Variants in CALN1 observed in about 807,000 individuals in gnomAD.
The protein encoded by CALN1 is calcium-binding protein 8.
Under a neutral mutation model 30.6 loss-of-function variants are expected in CALN1, and 17 were observed. That is an observed-to-expected ratio of 0.56 (90% CI 0.38 to 0.83). The LOEUF is 0.83. Among genes scored for constraint, CALN1 ranks in the 40% least tolerant of loss-of-function variants. The pLI, the probability that CALN1 is intolerant of heterozygous loss-of-function variation, is 0.00. For synonymous variants in CALN1, 156 were observed against 131.4 expected (o/e 1.19, Z -1.28); for missense variants, 291 against 354.9 (o/e 0.82, Z 1.45).
the CALN1 span, among the ~76,000 whole-genome samples, chr7:72,453,993 A>AATAT: frequency 0.018 from 2,730 of 148,198 alleles, 38 homozygotes; most frequent in Middle Eastern, 0.035. Context: ...ACAACCAAAA[A>AATAT]ATATATATAT....
Position 72,080,464 on chromosome 7 carries a change from T to C in CALN1, c.388+25687A>G, listed in dbSNP as rs562478722. ...GAGGGAGGGATTTTGTTTGTTTCAT[T>C]TGTGGATCTATGCCAAGTGCCTGGG... On this transcript the variant is annotated intron_variant, in intron 4 of 6. Transcript: ENST00000395275. Among the ~76,000 whole-genome samples, 22 of 152,316 alleles carry C rather than the reference T, an allele frequency of 1.4e-4. No individual in the cohort carries two copies. In the South Asian group the frequency reaches 2.1e-3, roughly 14 times the overall value.
chr7:72,161,111 G>A (rs950985679), intron 3 of CALN1, among the ~76,000 whole-genome samples: 1 of 152,166 alleles, frequency 6.6e-6, no homozygotes, highest in African/African-American at 2.4e-5. Flanking sequence ...ACCATGGCAG[G>A]AGCTTCAACA....
intron 3 of CALN1, among the ~76,000 whole-genome samples, chr7:72,227,427 C>G (rs1793765118): frequency 6.6e-6 from 1 of 151,644 alleles, no homozygotes; most frequent in Non-Finnish European, 1.5e-5. Flanking sequence ...GTAATCCCAG[C>G]TACTTGGGAG....
intron 5 of CALN1, among the ~76,000 whole-genome samples, chr7:71,941,318 TCCAG>T (rs1796118454): frequency 6.8e-6 from 1 of 147,418 alleles, no homozygotes; most frequent in African/African-American, 2.5e-5. Context: ...ACCACTCCAC[TCCAG>T]CCTGGGCGAC....
At chr7:72,175,548 T>C (rs1470011158) in intron 3 of CALN1, among the ~76,000 whole-genome samples, 5 of 152,066 alleles carry the variant, frequency 3.3e-5, no homozygotes, top group African/African-American at 9.7e-5. Flanking sequence ...CTGGTGGCAT[T>C]TGGAGATGGC....
At chr7:72,312,302 G>A (rs28531896) in intron 2 of CALN1, among the ~76,000 whole-genome samples, 27,244 of 151,438 alleles carry the variant, frequency 0.18, 3,352 homozygotes, top group East Asian at 0.41. Flanking sequence ...TACTCGGGAG[G>A]CTGAGGCAGG....
chr7:72,208,003 T>C (rs1433227263), intron 3 of CALN1, among the ~76,000 whole-genome samples: 1 of 152,210 alleles, frequency 6.6e-6, no homozygotes, highest in Non-Finnish European at 1.5e-5. Flanking sequence ...CTTATCAATG[T>C]ATTGTTAAAC....
chr7:72,367,662 T>C (rs1005206777), intron 2 of CALN1, among the ~76,000 whole-genome samples: 3 of 151,968 alleles, frequency 2.0e-5, no homozygotes, highest in African/African-American at 7.3e-5. Flanking sequence ...GCCAGGTCTC[T>C]ACAAATAAAA....
intron 5 of CALN1, among the ~76,000 whole-genome samples, chr7:72,010,767 C>T (rs1298461747): frequency 3.4e-5 from 5 of 147,380 alleles, no homozygotes; most frequent in South Asian, 2.1e-4. Flanking sequence ...GAGCCAAGAT[C>T]GCGTCACTGC....
chr7:72,492,920 C>T, the CALN1 span, among the ~76,000 whole-genome samples: 1 of 152,158 alleles, frequency 6.6e-6, no homozygotes, highest in Non-Finnish European at 1.5e-5. Context: ...TTTGCAGAGA[C>T]TAAATCACAA....
intron 4 of CALN1, among the ~76,000 whole-genome samples, chr7:72,058,273 C>T (rs1184454370): frequency 2.8e-5 from 4 of 143,542 alleles, no homozygotes; most frequent in Non-Finnish European, 6.1e-5. Flanking sequence ...CTCTTAGTGG[C>T]TGCTGGGGGT....
At chr7:72,097,647 CAAAA>C (rs10711051) in intron 4 of CALN1, among the ~76,000 whole-genome samples, 1 of 130,270 alleles carries the variant, frequency 7.7e-6, no homozygotes, top group Admixed American at 7.6e-5. Context: ...TATGTCTACC[CAAAA>C]AAAAAAAAAA....
chr7:72,245,120 A>G (rs1795074127), intron 3 of CALN1, among the ~76,000 whole-genome samples: 1 of 152,222 alleles, frequency 6.6e-6, no homozygotes, highest in Admixed American at 6.5e-5. Context: ...TGACGTAGAC[A>G]GAACAATCCC....
chr7:72,016,998 CAAAAA>C (rs754201004), intron 5 of CALN1, among the ~76,000 whole-genome samples: 5 of 31,966 alleles, frequency 1.6e-4, no homozygotes, highest in African/African-American at 7.6e-4. Context: ...ACTAAAAATA[CAAAAA>C]AAAAAAAAAA....
chr7:71,908,932 C>T lies in CALN1; in HGVS notation c.502-98440G>A, dbSNP rs17144108. On this transcript the variant is annotated intron_variant, in intron 5 of 6. Coordinates refer to ENST00000395275, the MANE Select transcript of CALN1 (RefSeq NM_031468.4). ...GGACGTCCTTTCAGGGATCCAGCAA[C>T]GTCTTATTGAGCACTTCAATGTTTG... Among the ~76,000 whole-genome samples the T allele has an allele frequency of 8.8e-3, 1,342 of 152,316 alleles. 23 individuals are homozygous for T. Among genetic ancestry groups the T allele is most frequent in the African/African-American group, 0.03 (1,252 of 41,572 alleles).
chr7:71,903,259 A>C (rs1793958134), intron 5 of CALN1, among the ~76,000 whole-genome samples: 1 of 152,136 alleles, frequency 6.6e-6, no homozygotes, highest in South Asian at 2.1e-4. Flanking sequence ...AATAAATTCT[A>C]GTGTTTAAAG....
intron 2 of CALN1, among the ~76,000 whole-genome samples, chr7:72,321,446 A>T (rs561729512): frequency 6.6e-6 from 1 of 152,204 alleles, no homozygotes; most frequent in Non-Finnish European, 1.5e-5. Flanking sequence ...AACACCAAGA[A>T]ATCTATAGGT....
the CALN1 span, among the ~76,000 whole-genome samples, chr7:72,465,523 C>T: frequency 6.6e-6 from 1 of 152,164 alleles, no homozygotes; most frequent in African/African-American, 2.4e-5. Flanking sequence ...CTCAAACCCA[C>T]CCCTGACTGC....
intron 5 of CALN1, among the ~76,000 whole-genome samples, chr7:71,877,389 TAGAA>T (rs1468182409): frequency 3.3e-5 from 5 of 152,082 alleles, no homozygotes; most frequent in African/African-American, 4.8e-5. Context: ...AGTATAAACA[TAGAA>T]AGAAGAAAAT....
Sources: allele counts gnomAD v4.1 joint callset (sites outside exome capture counted in the v4.1 genomes callset), GRCh38; gene constraint gnomAD v4.1.1; transcripts MANE v1.5; gene names NCBI Gene and HGNC (gene_info 2026-07-23, HGNC 2026-07-21).